NFIB: variants seen among roughly 807,000 people sequenced by gnomAD.
NFIB encodes the protein nuclear factor 1 B-type.
A neutral mutation model predicts 61.5 loss-of-function variants in NFIB; 11 were observed. The ratio of observed to expected loss-of-function variants is 0.18; its 90% CI spans 0.11 to 0.30. NFIB has a LOEUF of 0.30. Ranked by LOEUF, NFIB falls within the 10% of genes least tolerant of loss-of-function variation. The pLI is 1.00. For synonymous variants in NFIB, 260 were observed against 216.5 expected, an observed-to-expected ratio of 1.20 and a Z score of -1.76; for missense variants, 471 against 608.9, an observed-to-expected ratio of 0.77 and a Z score of 2.38.
chr9:14,509,442 C>T, the NFIB span, among the ~76,000 whole-genome samples: 1 of 152,234 alleles, frequency 6.6e-6, no homozygotes, highest in Non-Finnish European at 1.5e-5. Context: ...TTCATCAAAA[C>T]TTCAATGGTG....
intron 2 of NFIB, among the ~76,000 whole-genome samples, chr9:14,285,606 C>G (rs2058659587): frequency 6.6e-6 from 1 of 152,194 alleles, no homozygotes; most frequent in Admixed American, 6.5e-5. Context: ...AAAATTCTGA[C>G]TCTGTCACTT....
At chr9:14,089,343 C>T (rs1260026195) in intron 10 of NFIB, among the ~76,000 whole-genome samples, 1 of 148,888 alleles carries the variant, frequency 6.7e-6, no homozygotes, top group African/African-American at 2.5e-5. Context: ...CAACTTTCGC[C>T]TATGCTGAAT....
the NFIB span, among the ~76,000 whole-genome samples, chr9:14,410,700 G>A: frequency 6.6e-6 from 1 of 152,174 alleles, no homozygotes; most frequent in African/African-American, 2.4e-5. Flanking sequence ...TCTCCTGGGA[G>A]CATCATACTC....
the NFIB span, among the ~76,000 whole-genome samples, chr9:14,476,865 CA>C: frequency 6.6e-6 from 1 of 152,160 alleles, no homozygotes; most frequent in South Asian, 2.1e-4. Flanking sequence ...AAATGTTTCA[CA>C]TTCAGAATGA....
the NFIB span, among the ~76,000 whole-genome samples, chr9:14,511,322 GA>G: frequency 1.3e-5 from 2 of 151,854 alleles, no homozygotes; most frequent in Non-Finnish European, 2.9e-5. Context: ...TTTTACACTT[GA>G]TTACTTTATA....
At chr9:14,302,735 C>T (rs894507257) in intron 2 of NFIB, among the ~76,000 whole-genome samples, 3 of 151,984 alleles carry the variant, frequency 2.0e-5, no homozygotes, top group East Asian at 1.9e-4. Flanking sequence ...AATCCCACTC[C>T]CGCCCCCCGA....
At chr9:14,422,156 A>T in the NFIB span, among the ~76,000 whole-genome samples, 3 of 152,228 alleles carry the variant, frequency 2.0e-5, no homozygotes, top group African/African-American at 7.2e-5. Flanking sequence ...GGTTAACATG[A>T]CAAAGGAGAC....
chr9:14,424,449 G>A, the NFIB span, among the ~76,000 whole-genome samples: 2 of 152,160 alleles, frequency 1.3e-5, no homozygotes, highest in East Asian at 1.9e-4. Flanking sequence ...AAATAAACCT[G>A]TTTACCTTTG....
At chr9:14,227,584 C>T (rs1373611346) in intron 2 of NFIB, among the ~76,000 whole-genome samples, 39 of 152,088 alleles carry the variant, frequency 2.6e-4, no homozygotes. Context: ...TGAAAATTTA[C>T]AACGGTACTG....
rs189513577 is a variant in NFIB at position 14,248,427 on chromosome 9, T to C, written c.562+58562A>G. Among the ~76,000 whole-genome samples the C allele has an allele frequency of 1.9e-3, 291 of 151,464 alleles. 2 individuals carry two copies. The highest frequency in any genetic ancestry group is 5.7e-3 in the South Asian group (27 of 4,738). On this transcript the variant is annotated intron_variant, in intron 2 of 10. Coordinates refer to ENST00000380953, the MANE Select transcript of NFIB (RefSeq NM_001190737.2). The stretch of plus-strand genomic sequence containing the variant: ...CTGGGATTACAGGCATACACCACCA[T>C]GTCGGACTAATCTTTTATTTTTTTG...
the NFIB span, among the ~76,000 whole-genome samples, chr9:14,489,594 T>A: frequency 3.9e-4 from 59 of 152,246 alleles, no homozygotes; most frequent in African/African-American, 1.4e-3. Flanking sequence ...GAAGAAAGTC[T>A]CCTTCCAGGC....
intron 1 of NFIB, among the ~76,000 whole-genome samples, chr9:14,387,922 G>C (rs1481888931): frequency 6.6e-6 from 1 of 152,102 alleles, no homozygotes; most frequent in African/African-American, 2.4e-5. Context: ...GCCCATTTAG[G>C]GGGCTGTGGT....
intron 1 of NFIB, among the ~76,000 whole-genome samples, chr9:14,321,108 C>G (rs1359441392): frequency 4.6e-5 from 7 of 152,144 alleles, no homozygotes; most frequent in African/African-American, 1.2e-4. Flanking sequence ...CCCCTTCAAT[C>G]TGAAAGCTGC....
intron 2 of NFIB, among the ~76,000 whole-genome samples, chr9:14,252,603 A>C (rs934247684): frequency 3.3e-5 from 5 of 152,170 alleles, no homozygotes; most frequent in African/African-American, 1.2e-4. Flanking sequence ...TGCAGTAACT[A>C]CTATTACGTA....
Position 14,084,513 on chromosome 9 carries a change from TTTTA to T in NFIB, c.*3792_*3795del, listed in dbSNP as rs2032530011. ...TTTATGTACAGTCTCCTTCACTGCC[TTTTA>T]TTTTTTTCCTTAGACAAGCCTCAAA... On this transcript the variant is annotated 3_prime_UTR_variant, in exon 11 of 11. Transcript: ENST00000380953. 5 of 224,992 alleles carry T rather than the reference TTTTA, an allele frequency of 2.2e-5. No individual in the cohort carries two copies. The highest frequency in any genetic ancestry group is 6.4e-5 in the East Asian group (1 of 15,544). The allele number at this position is 224,992 out of a possible 1,614,324, so 13.9% of individuals were successfully genotyped here.
the NFIB span, among the ~76,000 whole-genome samples, chr9:14,513,673 G>A: frequency 4.3e-5 from 6 of 140,602 alleles, no homozygotes; most frequent in Non-Finnish European, 9.6e-5. Flanking sequence ...GAAAAAAAAA[G>A]AAACAAAATG....
intron 3 of NFIB, among the ~76,000 whole-genome samples, chr9:14,165,845 C>A (rs536917201): frequency 6.6e-6 from 1 of 152,120 alleles, no homozygotes; most frequent in South Asian, 2.1e-4. Context: ...TTGCCAGGGG[C>A]TGGGGAGAGT....
rs1404866252 is a variant in NFIB at position 14,313,320 on chromosome 9, G to A, written c.30+162C>T. ...GTGGCCGTGGCGAGGGGCCGCTCCCGGCTCCCACGCCGCCCCGCGACGCCC... is the reference window on the plus strand; with the variant it reads ...GTGGCCGTGGCGAGGGGCCGCTCCCAGCTCCCACGCCGCCCCGCGACGCCC... On this transcript the variant is annotated intron_variant, in intron 1 of 10. Transcript: ENST00000380953. The surrounding 1 kb of genome is among the most constrained non-coding windows in gnomAD (Gnocchi z 4.5). 6.6e-6 allele frequency among the ~76,000 whole-genome samples: 1 copy of A among 151,712 alleles called. No individual in the cohort carries two copies. Among genetic ancestry groups the A allele is most frequent in the Non-Finnish European group, 1.5e-5 (1 of 67,900 alleles).
chr9:14,253,263 T>C (rs896163440), intron 2 of NFIB, among the ~76,000 whole-genome samples: 2 of 152,222 alleles, frequency 1.3e-5, no homozygotes, highest in Non-Finnish European at 2.9e-5. Context: ...CATAACATCT[T>C]TAACGAACTA....
Sources: gnomAD v4.1 joint callset for allele counts (sites outside exome capture counted in the v4.1 genomes callset) on GRCh38, gnomAD v4.1.1 for gene constraint, Gnocchi (gnomAD v3.1) non-coding constraint, MANE v1.5 for transcripts, NCBI Gene and HGNC (gene_info 2026-07-23, HGNC 2026-07-21) for gene names.